The following RTL4 variants were observed in gnomAD, a reference collection of about 807,000 sequenced individuals.
RTL4 encodes retrotransposon Gag like 4.
A neutral mutation model predicts 5.3 loss-of-function variants in RTL4; 4 were observed. That is an observed-to-expected ratio of 0.75 (90% CI 0.37 to 1.72). The LOEUF (loss-of-function observed/expected upper bound fraction) is 1.72, where lower values mean the gene tolerates loss of function less well. Ranked by LOEUF, RTL4 falls within the 40% of genes most tolerant of loss-of-function variation. RTL4 has a pLI of 0.04. For missense variants in RTL4, 260 were observed against 227.1 expected (o/e 1.14, Z -0.93); for synonymous variants, 98 against 87.3 (o/e 1.12, Z -0.68).
the RTL4 span, among the ~76,000 whole-genome samples, chrX:112,325,006 C>T: frequency 9.0e-6 from 1 of 111,489 alleles, no homozygotes; most frequent in African/African-American, 3.3e-5. Context: ...ACACCAATAG[C>T]AGACAAACAG....
At chrX:112,330,711 C>T in the RTL4 span, among the ~76,000 whole-genome samples, 41 of 111,369 alleles carry the variant, frequency 3.7e-4, no homozygotes, top group African/African-American at 6.5e-4. Context: ...CAATCTTAAG[C>T]CAAAAGAACA....
the RTL4 span, among the ~76,000 whole-genome samples, chrX:112,261,267 A>C: frequency 9.0e-6 from 1 of 110,645 alleles, no homozygotes; most frequent in Non-Finnish European, 1.9e-5. Flanking sequence ...TGTTTGCAGA[A>C]GACATGATTG....
the RTL4 span, among the ~76,000 whole-genome samples, chrX:112,128,919 G>A: frequency 1.8e-5 from 2 of 111,235 alleles, no homozygotes; most frequent in Admixed American, 1.9e-4. Context: ...CTCAATAGGA[G>A]AAATTTATAA....
At chrX:112,286,272 T>C in the RTL4 span, among the ~76,000 whole-genome samples, 2 of 112,062 alleles carry the variant, frequency 1.8e-5, no homozygotes, top group Non-Finnish European at 3.8e-5. Flanking sequence ...AGGAAAAGCA[T>C]AATGACTGGG....
chrX:112,166,586 A>C, the RTL4 span, among the ~76,000 whole-genome samples: 3 of 112,027 alleles, frequency 2.7e-5, no homozygotes, highest in African/African-American at 9.7e-5. Context: ...TGGAAAAAAC[A>C]GAAGGAATGC....
the RTL4 span, among the ~76,000 whole-genome samples, chrX:112,121,890 G>A: frequency 9.0e-6 from 1 of 111,551 alleles, no homozygotes; most frequent in South Asian, 3.7e-4. Context: ...AATAGATACA[G>A]TAAAAGCATT....
the RTL4 span, among the ~76,000 whole-genome samples, chrX:112,352,132 A>T: frequency 9.0e-6 from 1 of 110,605 alleles, no homozygotes; most frequent in Non-Finnish European, 1.9e-5. Context: ...TATGAAGCTT[A>T]GTTTGCCTGG....
chrX:112,117,400 A>T, the RTL4 span, among the ~76,000 whole-genome samples: 3 of 110,513 alleles, frequency 2.7e-5, no homozygotes, highest in African/African-American at 9.9e-5. Flanking sequence ...TATAATCGTT[A>T]TATGGTAAAT....
the RTL4 span, among the ~76,000 whole-genome samples, chrX:112,416,433 A>G: frequency 1.8e-5 from 2 of 112,198 alleles, no homozygotes; most frequent in Non-Finnish European, 3.8e-5. Context: ...TGTGGTTTTC[A>G]TTACCTAGAG....
chrX:112,191,898 T>G, the RTL4 span, among the ~76,000 whole-genome samples: 1 of 111,742 alleles, frequency 8.9e-6, no homozygotes, highest in Non-Finnish European at 1.9e-5. Flanking sequence ...TTTCACATGT[T>G]TCTCAGTCTT....
chrX:112,137,170 A>G, the RTL4 span, among the ~76,000 whole-genome samples: 1 of 111,762 alleles, frequency 8.9e-6, no homozygotes, highest in Non-Finnish European at 1.9e-5. Flanking sequence ...ACCCACAAAT[A>G]CTTGTATTAA....
the RTL4 span, among the ~76,000 whole-genome samples, chrX:112,194,875 G>A: frequency 8.9e-6 from 1 of 112,087 alleles, no homozygotes; most frequent in Non-Finnish European, 1.9e-5. Flanking sequence ...TATAAGCCAC[G>A]GGGTGCTGAA....
chrX:112,107,318 T>G, the RTL4 span, among the ~76,000 whole-genome samples: 1 of 112,153 alleles, frequency 8.9e-6, no homozygotes, highest in Non-Finnish European at 1.9e-5. Flanking sequence ...TTTTGTCTTT[T>G]AACCTTTGTA....
chrX:112,311,934 C>A, the RTL4 span, among the ~76,000 whole-genome samples: 34 of 111,568 alleles, frequency 3.0e-4, no homozygotes, highest in Non-Finnish European at 5.5e-4. Flanking sequence ...TTGTTAATTT[C>A]ACTCTAAAAA....
chrX:112,291,369 C>T, the RTL4 span, among the ~76,000 whole-genome samples: 1 of 32,479 alleles, frequency 3.1e-5, no homozygotes, highest in Non-Finnish European at 5.5e-5. Context: ...TATGTTTGTA[C>T]ACACACACAC....
At chrX:112,316,784 G>C in the RTL4 span, among the ~76,000 whole-genome samples, 1 of 111,509 alleles carries the variant, frequency 9.0e-6, no homozygotes, top group East Asian at 2.8e-4. Context: ...CTCTGTCCCT[G>C]ACATGTGAAA....
At chrX:112,184,730 T>C in the RTL4 span, among the ~76,000 whole-genome samples, 300 of 112,223 alleles carry the variant, frequency 2.7e-3, 2 homozygotes, top group African/African-American at 9.4e-3. Flanking sequence ...TTAATCTTTT[T>C]TTATTGCAAC....
chrX:112,143,411 G>C, the RTL4 span, among the ~76,000 whole-genome samples: 2 of 111,165 alleles, frequency 1.8e-5, no homozygotes. Flanking sequence ...TGTGGGTTTT[G>C]CTTTTGCCAT....
the RTL4 span, among the ~76,000 whole-genome samples, chrX:112,377,679 A>AGG: frequency 2.9e-4 from 32 of 112,196 alleles, no homozygotes; most frequent in Non-Finnish European, 4.9e-4. Context: ...AACTTTGTAC[A>AGG]GGGTTTAGAG....
Sources: gnomAD v4.1 joint callset for allele counts (sites outside exome capture counted in the v4.1 genomes callset) on GRCh38, gnomAD v4.1.1 for gene constraint, MANE v1.5 for transcripts, NCBI Gene and HGNC (gene_info 2026-07-23, HGNC 2026-07-21) for gene names.